The following DCP1A variants were observed in gnomAD, a reference collection of about 807,000 sequenced individuals.
DCP1A encodes the protein decapping mRNA 1A.
Under a neutral mutation model 58.0 loss-of-function variants are expected in DCP1A, and 20 were observed. That is an observed-to-expected ratio of 0.34 (90% CI 0.24 to 0.50). DCP1A has a LOEUF of 0.50. Ranked by LOEUF, DCP1A falls within the 20% of genes least tolerant of loss-of-function variation. The pLI is 0.98. For synonymous variants in DCP1A, 285 were observed against 275.1 expected, an observed-to-expected ratio of 1.04 and a Z score of -0.36; for missense variants, 613 against 712.2, an observed-to-expected ratio of 0.86 and a Z score of 1.59.
intron 3 of DCP1A, chr3:53,329,391 G>GAA: frequency 2.5e-6 from 1 of 398,550 alleles, no homozygotes. Context: ...CGATATAAAG[G>GAA]AAAAGTGATA....
chr3:53,323,223 T>C (rs1315030467), intron 3 of DCP1A, among the ~76,000 whole-genome samples: 1 of 152,226 alleles, frequency 6.6e-6, no homozygotes, highest in Non-Finnish European at 1.5e-5. Context: ...CAAGTAATTT[T>C]GGAATGTTTT....
chr3:53,315,066 C>T (rs1553689094), intron 4 of DCP1A, among the ~76,000 whole-genome samples: 1 of 152,138 alleles, frequency 6.6e-6, no homozygotes, highest in Non-Finnish European at 1.5e-5. Flanking sequence ...GGCTTGGACT[C>T]TAAGGCCTCT....
In DCP1A at chr3:53,290,737, C is replaced by G. The variant is rs139695097; in HGVS notation, c.1449+54G>C. The G allele has an allele frequency of 6.4e-4, 838 of 1,307,532 alleles. 1 individual carries two copies. Among genetic ancestry groups the G allele is most frequent in the Middle Eastern group, 4.5e-3 (20 of 4,488 alleles). The allele number at this position is 1,307,532 out of a possible 1,614,324, so 81.0% of individuals were successfully genotyped here. ...CTCTTTCTACTTTCTCACTATGGCA[C>G]CCGACTAGTCTTAAAAAAAAAAAAA... On this transcript the variant is annotated intron_variant, in intron 8 of 9. Transcript: ENST00000610213.
Position 53,301,004 on chromosome 3 carries a change from A to C in DCP1A, c.624+3173T>G, listed in dbSNP as rs1707298169. ...ATTTCTTCCTTAGGGTCTCACAACA[A>C]ATCTGCATTAGGCGGTACAATAATC... On this transcript the variant is annotated intron_variant, in intron 6 of 9. Coordinates refer to ENST00000610213, the MANE Select transcript of DCP1A (RefSeq NM_018403.7). Among the ~76,000 whole-genome samples, 3 of 152,266 alleles carry C rather than the reference A, an allele frequency of 2.0e-5. 1 individual carries two copies. The highest frequency in any genetic ancestry group is 1.5e-5 in the Non-Finnish European group (1 of 68,014).
intron 6 of DCP1A, among the ~76,000 whole-genome samples, chr3:53,297,014 A>G (rs900322671): frequency 2.6e-5 from 4 of 152,202 alleles, no homozygotes; most frequent in Non-Finnish European, 5.9e-5. Flanking sequence ...GCAATCCAAC[A>G]TGGTTGCCAG....
intron 3 of DCP1A, among the ~76,000 whole-genome samples, chr3:53,322,683 C>G (rs895470321): frequency 2.0e-5 from 3 of 151,864 alleles, no homozygotes; most frequent in Admixed American, 6.6e-5. Flanking sequence ...TAAAACTGCT[C>G]TAAATCTATG....
chr3:53,326,820 A>T (rs969221159), intron 3 of DCP1A, among the ~76,000 whole-genome samples: 2 of 152,218 alleles, frequency 1.3e-5, no homozygotes, highest in Non-Finnish European at 2.9e-5. Flanking sequence ...GAAATAAAGT[A>T]CACAATAAAT....
At chr3:53,306,596 C>G (rs782795042) in intron 5 of DCP1A, among the ~76,000 whole-genome samples, 6 of 151,420 alleles carry the variant, frequency 4.0e-5, no homozygotes, top group Non-Finnish European at 7.4e-5. Context: ...ACTGTGAAAC[C>G]CTGTCTATAC....
intron 8 of DCP1A, 56 bp from the exon 9 acceptor site, chr3:53,288,339 C>A: frequency 2.1e-6 from 3 of 1,400,446 alleles, no homozygotes; most frequent in Non-Finnish European, 3.0e-6. Context: ...TAGCCAGGCC[C>A]AGAATAGGGA....
intron 4 of DCP1A, among the ~76,000 whole-genome samples, chr3:53,316,421 G>A (rs947118913): frequency 1.3e-5 from 2 of 151,716 alleles, no homozygotes; most frequent in Non-Finnish European, 2.9e-5. Context: ...TTTCACCAGG[G>A]TATTCTCTAA....
At chr3:53,324,256 CAAA>C (rs1206226306) in intron 3 of DCP1A, among the ~76,000 whole-genome samples, 2 of 152,180 alleles carry the variant, frequency 1.3e-5, no homozygotes, top group Admixed American at 6.5e-5. Flanking sequence ...TCGATTCTGC[CAAA>C]AGCAGACCTG....
intron 2 of DCP1A, among the ~76,000 whole-genome samples, chr3:53,343,718 T>A (rs988122531): frequency 7.9e-5 from 12 of 152,302 alleles, no homozygotes; most frequent in Non-Finnish European, 1.8e-4. Flanking sequence ...TTCACGATAT[T>A]CTCCTGCCTC....
chr3:53,299,534 T>C (rs142328469), intron 6 of DCP1A, among the ~76,000 whole-genome samples: 230 of 152,328 alleles, frequency 1.5e-3, no homozygotes, highest in African/African-American at 5.0e-3. Flanking sequence ...ATTTTACATG[T>C]CTGTTTGGAG....
At chr3:53,344,182 G>A (rs1553692903) in intron 2 of DCP1A, among the ~76,000 whole-genome samples, 1 of 151,854 alleles carries the variant, frequency 6.6e-6, no homozygotes, top group Non-Finnish European at 1.5e-5. Flanking sequence ...AATAACTCCT[G>A]CTGACTCCCT....
intron 5 of DCP1A, among the ~76,000 whole-genome samples, chr3:53,305,372 C>T (rs1390131405): frequency 8.7e-5 from 13 of 148,594 alleles, no homozygotes; most frequent in Non-Finnish European, 1.8e-4. Context: ...TTTTTTGAGA[C>T]GGAGTCTCAC....
At chr3:53,334,931 C>A (rs1553691723) in intron 3 of DCP1A, among the ~76,000 whole-genome samples, 1 of 130,212 alleles carries the variant, frequency 7.7e-6, no homozygotes, top group Non-Finnish European at 1.6e-5. Flanking sequence ...TTTCTTCAGT[C>A]CTCTCAATAT....
chr3:53,291,769 T>C (rs1200288915), intron 7 of DCP1A, among the ~76,000 whole-genome samples: 5 of 152,126 alleles, frequency 3.3e-5, no homozygotes, highest in East Asian at 1.9e-4. Flanking sequence ...CCGTGGGAGA[T>C]AGGGAGTTAA....
chr3:53,297,162 G>A (rs1417147680), intron 6 of DCP1A, among the ~76,000 whole-genome samples: 3 of 152,104 alleles, frequency 2.0e-5, no homozygotes, highest in Non-Finnish European at 4.4e-5. Context: ...GAATTTGCAT[G>A]TCCCTAATGA....
intron 7 of DCP1A, 102 bp downstream of exon 7, chr3:53,291,967 T>C: frequency 7.6e-7 from 1 of 1,315,368 alleles, no homozygotes; most frequent in South Asian, 1.5e-5. Context: ...GGGACAACTC[T>C]AAAAATTGTC....
Sources: allele counts gnomAD v4.1 joint callset (sites outside exome capture counted in the v4.1 genomes callset), GRCh38; gene constraint gnomAD v4.1.1; transcripts MANE v1.5; gene names NCBI Gene and HGNC (gene_info 2026-07-23, HGNC 2026-07-21).